Variants in PIK3C2G observed in about 807,000 individuals in gnomAD.
PIK3C2G encodes phosphatidylinositol-4-phosphate 3-kinase catalytic subunit type 2 gamma.
Under a neutral mutation model 181.1 loss-of-function variants are expected in PIK3C2G, and 168 were observed. The ratio of observed to expected loss-of-function variants is 0.93; its 90% CI spans 0.82 to 1.05. The LOEUF (loss-of-function observed/expected upper bound fraction) is 1.05, where lower values mean the gene tolerates loss of function less well. Among genes scored for constraint, PIK3C2G ranks in the 50% least tolerant of loss-of-function variants. The pLI, the probability that PIK3C2G is intolerant of heterozygous loss-of-function variation, is 0.00. For missense variants in PIK3C2G, 1,869 were observed against 1,732.8 expected, an observed-to-expected ratio of 1.08 and a Z score of -1.40; for synonymous variants, 573 against 592.2, an observed-to-expected ratio of 0.97 and a Z score of 0.47.
chr12:18,650,949 A>G (rs905383015), downstream of PIK3C2G, among the ~76,000 whole-genome samples: 1 of 151,250 alleles, frequency 6.6e-6, no homozygotes, highest in Non-Finnish European at 1.5e-5. Flanking sequence ...TGCTCCTTAT[A>G]GTCTATTCTC....
At chr12:18,285,969 T>G (rs10841007) in intron 2 of PIK3C2G, among the ~76,000 whole-genome samples, 57,069 of 151,636 alleles carry the variant, frequency 0.38, 10,910 homozygotes, top group Admixed American at 0.42. Flanking sequence ...AAGGCAGAGA[T>G]AGATTGAAAG....
At chr12:18,430,221 A>G (rs527535866) in intron 18 of PIK3C2G, among the ~76,000 whole-genome samples, 56 of 152,310 alleles carry the variant, frequency 3.7e-4, no homozygotes, top group Non-Finnish European at 6.6e-4. Context: ...ATGCTATGGG[A>G]TACATCGTAG....
At chr12:18,259,003 A>C (rs1948176250), upstream of PIK3C2G, among the ~76,000 whole-genome samples, 2 of 152,140 alleles carry the variant, frequency 1.3e-5, no homozygotes, top group African/African-American at 4.8e-5. Context: ...TTTCTCTGGC[A>C]GTTTCCTATA....
chr12:18,483,792 A>G (rs954998688), intron 18 of PIK3C2G, among the ~76,000 whole-genome samples: 1 of 152,218 alleles, frequency 6.6e-6, no homozygotes, highest in African/African-American at 2.4e-5. Context: ...AGTTTTTACC[A>G]TAGCAACAAA....
In PIK3C2G at chr12:18,399,799, G is replaced by A; in HGVS notation, c.2267G>A (p.Arg756Lys). The A allele has an allele frequency of 6.2e-7, 1 of 1,604,946 alleles. No homozygotes were observed. The highest frequency in any genetic ancestry group is 8.5e-7 in the Non-Finnish European group (1 of 1,173,364). ...TVSEMHTILR[R>K]WTFSQPLEAL... ...TCAGAAATGCATACCATTTTGAGAAGATGGACATTTTCTCAACCTTTAGAG... is the reference window on the plus strand; with the variant it reads ...TCAGAAATGCATACCATTTTGAGAAAATGGACATTTTCTCAACCTTTAGAG... The change falls in exon 16 of 33, where the codon AGA (arginine) becomes AAA (lysine). Residue 756 changes from arginine to lysine, a missense_variant. Physicochemically the swap from Arg to Lys is conservative, Grantham distance 26 (BLOSUM62 2). Transcript: ENST00000538779.
At chr12:18,701,606 A>ATCCTCCTCCTCCTCCTCC in the PIK3C2G span, 3 of 1,524,972 alleles carry the variant, frequency 2.0e-6, no homozygotes, top group Non-Finnish European at 2.7e-6. Context: ...CTTTGAATTT[A>ATCCTCCTCCTCCTCCTCC]TCCTCCTCCT....
intron 9 of PIK3C2G, 136 bp downstream of exon 9, chr12:18,338,684 T>TGC (rs1938806630): frequency 3.3e-6 from 2 of 598,472 alleles, no homozygotes; most frequent in East Asian, 5.5e-5. Flanking sequence ...TGTGTGTGTG[T>TGC]GTGTGTGTGT....
intron 15 of PIK3C2G, among the ~76,000 whole-genome samples, chr12:18,394,336 T>C (rs1413092815): frequency 6.6e-6 from 1 of 152,068 alleles, no homozygotes; most frequent in Non-Finnish European, 1.5e-5. Context: ...AATAGCAGAA[T>C]GCTGACTCTC....
In PIK3C2G at chr12:18,282,397, G is replaced by A. The variant is rs780897913; in HGVS notation, c.316G>A (p.Ala106Thr). The A allele has an allele frequency of 9.3e-6, 15 of 1,613,280 alleles. No individual in the cohort carries two copies. Among genetic ancestry groups the A allele is most frequent in the Middle Eastern group, 1.6e-4 (1 of 6,084 alleles). The change falls in exon 2 of 33, where the codon GCA becomes ACA. Residue 106 changes from alanine to threonine, a missense_variant. Ala to Thr is a moderately conservative substitution (Grantham distance 58). Coordinates refer to ENST00000538779, the MANE Select transcript of PIK3C2G (RefSeq NM_001288772.2). Reference protein sequence around the residue: ...LSWHQVSKAPAIGFSPSVLPK... With the variant: ...LSWHQVSKAPTIGFSPSVLPK... ...CTGGCATCAAGTTAGCAAAGCACCA[G>A]CAATTGGTTTTAGTCCTTCTGTGTT... is the stretch of plus-strand genomic sequence containing the variant.
intron 6 of PIK3C2G, among the ~76,000 whole-genome samples, chr12:18,318,757 A>G (rs536795379): frequency 1.3e-5 from 2 of 151,744 alleles, no homozygotes; most frequent in South Asian, 4.1e-4. Flanking sequence ...GAAATAGTAT[A>G]ATTTAATCCT....
chr12:18,296,708 T>C (rs1458113519), intron 5 of PIK3C2G, among the ~76,000 whole-genome samples: 2 of 151,948 alleles, frequency 1.3e-5, no homozygotes, highest in Non-Finnish European at 2.9e-5. Context: ...ATATCCCGAC[T>C]CACTCATTCT....
chr12:18,384,579 G>A (rs1041201499), intron 14 of PIK3C2G, among the ~76,000 whole-genome samples: 1 of 152,214 alleles, frequency 6.6e-6, no homozygotes, highest in Admixed American at 6.5e-5. Context: ...ATGGGGCAGA[G>A]AAGAGTGATG....
At chr12:18,567,081 T>C (rs764825541) in intron 29 of PIK3C2G, 24 bp downstream of exon 29, 34 of 1,057,588 alleles carry the variant, frequency 3.2e-5, no homozygotes, top group Non-Finnish European at 4.3e-5. Context: ...AATTTTTCTA[T>C]TTTTACATAA....
intron 32 of PIK3C2G, among the ~76,000 whole-genome samples, chr12:18,644,810 C>T (rs961167411): frequency 7.2e-5 from 11 of 152,142 alleles, no homozygotes; most frequent in South Asian, 4.1e-4. Context: ...CCCCTGTTCT[C>T]GCTTTTGAAC....
chr12:18,521,077 T>G (rs1699821873), intron 24 of PIK3C2G, among the ~76,000 whole-genome samples: 1 of 152,118 alleles, frequency 6.6e-6, no homozygotes, highest in Non-Finnish European at 1.5e-5. Context: ...TGTGTGGAGA[T>G]GTCACTCGAG....
the PIK3C2G span, among the ~76,000 whole-genome samples, chr12:18,669,283 T>C: frequency 6.6e-6 from 1 of 152,202 alleles, no homozygotes; most frequent in African/African-American, 2.4e-5. Flanking sequence ...TCTTAACCAC[T>C]GCACTATATT....
intron 16 of PIK3C2G, among the ~76,000 whole-genome samples, chr12:18,409,943 A>G (rs1016756910): frequency 2.0e-5 from 3 of 152,050 alleles, no homozygotes; most frequent in Non-Finnish European, 4.4e-5. Context: ...GAGGTACCAC[A>G]CACTTTAAAC....
intron 6 of PIK3C2G, among the ~76,000 whole-genome samples, chr12:18,317,300 T>C (rs1194030545): frequency 1.3e-5 from 2 of 152,040 alleles, no homozygotes; most frequent in South Asian, 2.1e-4. Flanking sequence ...CATGAGCCAC[T>C]GTGCCTGGTC....
chr12:18,503,812 G>A (rs1418532955), intron 23 of PIK3C2G, among the ~76,000 whole-genome samples: 1 of 152,058 alleles, frequency 6.6e-6, no homozygotes, highest in Non-Finnish European at 1.5e-5. Flanking sequence ...TTAATGGTTT[G>A]CAAAATGCAA....
Sources: allele counts gnomAD v4.1 joint callset (sites outside exome capture counted in the v4.1 genomes callset), GRCh38; gene constraint gnomAD v4.1.1; transcripts MANE v1.5; gene names NCBI Gene and HGNC (gene_info 2026-07-23, HGNC 2026-07-21).